Variants in SLC5A4 observed in about 807,000 individuals in gnomAD.
The protein encoded by SLC5A4 is probable glucose sensor protein SLC5A4.
Under a neutral mutation model 70.3 loss-of-function variants are expected in SLC5A4, and 55 were observed. That is an observed-to-expected ratio of 0.78 (90% CI 0.63 to 0.98). The LOEUF (loss-of-function observed/expected upper bound fraction) is 0.98. Among genes scored for constraint, SLC5A4 ranks in the 50% least tolerant of loss-of-function variants. The pLI, the probability that SLC5A4 is intolerant of heterozygous loss-of-function variation, is 0.00. For synonymous variants in SLC5A4, 268 were observed against 305.7 expected, an observed-to-expected ratio of 0.88 and a Z score of 1.29; for missense variants, 735 against 839.2, an observed-to-expected ratio of 0.88 and a Z score of 1.53.
chr22:32,271,858 C>T, the SLC5A4 span: 1 of 607,092 alleles, frequency 1.6e-6, no homozygotes, highest in Non-Finnish European at 3.2e-6. Context: ...CGCTGTGCTG[C>T]ACGGTCCACT....
the SLC5A4 span, among the ~76,000 whole-genome samples, chr22:32,321,070 CA>C: frequency 6.6e-6 from 1 of 152,156 alleles, no homozygotes; most frequent in African/African-American, 2.4e-5. Context: ...GGCGGATCAC[CA>C]GGTCAGGAGT....
At chr22:32,220,473 CA>C (rs993831241) in intron 14 of SLC5A4, among the ~76,000 whole-genome samples, 1 of 152,134 alleles carries the variant, frequency 6.6e-6, no homozygotes, top group African/African-American at 2.4e-5. Flanking sequence ...AAAGAATAAG[CA>C]TTTTTTTTCC....
the SLC5A4 span, among the ~76,000 whole-genome samples, chr22:32,345,246 CATT>C: frequency 1.3e-5 from 2 of 151,496 alleles, no homozygotes; most frequent in African/African-American, 2.4e-5. Flanking sequence ...AGAAATGTAA[CATT>C]ATTAAAGAAA....
chr22:32,275,192 C>T, the SLC5A4 span, among the ~76,000 whole-genome samples: 1 of 152,316 alleles, frequency 6.6e-6, no homozygotes, highest in South Asian at 2.1e-4. Flanking sequence ...AAGGTGCATA[C>T]TCTGAACAAA....
Position 32,255,303 on chromosome 22 carries a change from G to C in SLC5A4, c.27C>G (p.Thr9=). The C allele has an allele frequency of 6.2e-7, 1 of 1,614,136 alleles. No homozygotes were observed. The highest frequency in any genetic ancestry group is 1.1e-5 in the South Asian group (1 of 91,076). ...GAGGTGGCTCTGGGGTCTCAGCTAT[G>C]GTGCTGGGGCTAACCGTACTGGCCA... is the stretch of plus-strand genomic sequence containing the variant. MASTVSPS[T]IAETPEPPPL... is the part of the protein sequence containing the mutation. Residue 9 remains threonine, a synonymous_variant, in exon 1 of 15, where the codon ACC becomes ACG. Coordinates refer to ENST00000266086, the MANE Select transcript of SLC5A4 (RefSeq NM_014227.3).
chr22:32,270,464 A>G, the SLC5A4 span: 4 of 971,146 alleles, frequency 4.1e-6, no homozygotes, highest in African/African-American at 1.6e-5. Context: ...CCCAAGGGGG[A>G]GGGCACGGAG....
the SLC5A4 span, among the ~76,000 whole-genome samples, chr22:32,290,715 C>T: frequency 6.6e-6 from 1 of 152,078 alleles, no homozygotes. Context: ...TCGCTCTCTG[C>T]CTCCAAGATC....
the SLC5A4 span, among the ~76,000 whole-genome samples, chr22:32,317,111 T>C: frequency 2.8e-4 from 42 of 152,078 alleles, no homozygotes; most frequent in Non-Finnish European, 5.0e-4. Flanking sequence ...AAAATACTAA[T>C]AATGAAACCA....
At chr22:32,262,858 C>G in the SLC5A4 span, among the ~76,000 whole-genome samples, 1 of 152,110 alleles carries the variant, frequency 6.6e-6, no homozygotes, top group East Asian at 1.9e-4. Flanking sequence ...CAAGCTCTGA[C>G]TCCCAGGTTC....
intron 12 of SLC5A4, 23 bp downstream of exon 12, chr22:32,225,632 C>T (rs2294208): frequency 0.46 from 700,239 of 1,534,040 alleles, 166,117 homozygotes; most frequent in African/African-American, 0.71. Context: ...AGCAGGGAAA[C>T]TTTTTTTCCA....
At chr22:32,345,090 T>G in the SLC5A4 span, among the ~76,000 whole-genome samples, 4 of 152,158 alleles carry the variant, frequency 2.6e-5, no homozygotes, top group African/African-American at 7.2e-5. Context: ...TTTTCAAGTT[T>G]AGAATGTATT....
intron 4 of SLC5A4, among the ~76,000 whole-genome samples, chr22:32,247,989 T>G: frequency 6.6e-6 from 1 of 152,192 alleles, no homozygotes; most frequent in East Asian, 1.9e-4. Flanking sequence ...GCCTTCACTT[T>G]TACTCTGCCA....
the SLC5A4 span, among the ~76,000 whole-genome samples, chr22:32,263,604 G>GTGTAAATAAGT: frequency 6.6e-6 from 1 of 152,206 alleles, no homozygotes; most frequent in Non-Finnish European, 1.5e-5. Context: ...GTTGGTGGGA[G>GTGTAAATAAGT]TGTAAATAAG....
the SLC5A4 span, among the ~76,000 whole-genome samples, chr22:32,312,983 A>T: frequency 1.2e-4 from 19 of 152,172 alleles, no homozygotes; most frequent in African/African-American, 4.6e-4. Context: ...TAAGACTGGA[A>T]GCGAGACAAA....
Position 32,254,074 on chromosome 22 carries a change from C to T in SLC5A4, c.207+68G>A, listed in dbSNP as rs963471250. On this transcript the variant is annotated intron_variant, in intron 2 of 14. Transcript: ENST00000266086. ...GGGATTACAGGCGTGAGACACCGCA[C>T]CCAGCCTACATTCAGTTTTAAGCAC... The T allele has an allele frequency of 3.7e-5, 47 of 1,259,674 alleles. 1 individual carries two copies. In the African/African-American group the frequency reaches 5.9e-4, roughly 16 times the overall value. 78.0% of individuals were successfully genotyped at this position (1,259,674 alleles called of 1,614,324 possible).
chr22:32,218,628 G>C lies in SLC5A4; in HGVS notation c.1866C>G (p.Ala622=), dbSNP rs1569362810. ...GPKLTKEEEE[A]LSKKLTDTSE... is the part of the protein sequence containing the mutation. ...ACGTGTCTGTGAGCTTCTTGCTCAA[G>C]GCTTCCTCCTCCTCCTTGGTTAGCT... Residue 622 remains alanine (A), a synonymous_variant, in exon 15 of 15, where the codon GCC becomes GCG. Coordinates refer to ENST00000266086, the MANE Select transcript of SLC5A4 (RefSeq NM_014227.3). 6.2e-7 allele frequency: 1 copy of C among 1,613,674 alleles called. No individual in the cohort carries two copies. Among genetic ancestry groups the C allele is most frequent in the African/African-American group, 1.3e-5 (1 of 74,842 alleles).
the SLC5A4 span, among the ~76,000 whole-genome samples, chr22:32,354,338 G>A: frequency 0.067 from 9,795 of 146,704 alleles, 388 homozygotes; most frequent in Admixed American, 0.11. Flanking sequence ...AGCCTAACCC[G>A]TCCCCCACCA....
the SLC5A4 span, among the ~76,000 whole-genome samples, chr22:32,301,435 A>G: frequency 6.6e-6 from 1 of 152,222 alleles, no homozygotes; most frequent in Non-Finnish European, 1.5e-5. Context: ...AGTTTCATGT[A>G]CTTATTTGCT....
At chr22:32,328,635 AAT>A in the SLC5A4 span, among the ~76,000 whole-genome samples, 1 of 152,138 alleles carries the variant, frequency 6.6e-6, no homozygotes, top group Non-Finnish European at 1.5e-5. Context: ...AGTCTCAGCC[AAT>A]GCTTTGACTG....
Sources: allele counts gnomAD v4.1 joint callset (sites outside exome capture counted in the v4.1 genomes callset), GRCh38; gene constraint gnomAD v4.1.1; transcripts MANE v1.5; gene names NCBI Gene and HGNC (gene_info 2026-07-23, HGNC 2026-07-21).